RBFOX1: variants seen among roughly 807,000 people sequenced by gnomAD.
RBFOX1 encodes the protein RNA binding protein fox-1 homolog 1.
A neutral mutation model predicts 57.7 loss-of-function variants in RBFOX1; 8 were observed. That is an observed-to-expected ratio of 0.14 (90% CI 0.08 to 0.25). The LOEUF is 0.25. RBFOX1 is among the 10% of genes least tolerant of loss of function. The pLI, the probability that RBFOX1 is intolerant of heterozygous loss-of-function variation, is 1.00. For synonymous variants in RBFOX1, 326 were observed against 222.4 expected (o/e 1.47, Z -4.15); for missense variants, 611 against 548.5 (o/e 1.11, Z -1.14).
intron 3 of RBFOX1, among the ~76,000 whole-genome samples, chr16:6,788,623 C>T (rs375994561): frequency 4.6e-4 from 70 of 152,018 alleles, no homozygotes; most frequent in African/African-American, 1.5e-3. Context: ...CTACAGGTGC[C>T]TACGACCATG....
chr16:6,860,482 T>C (rs1284136752), intron 3 of RBFOX1, among the ~76,000 whole-genome samples: 2 of 152,214 alleles, frequency 1.3e-5, no homozygotes, highest in African/African-American at 4.8e-5. Context: ...AGTATATTGA[T>C]GCACCTGCTT....
chr16:7,017,930 A>C (rs2153666524), intron 3 of RBFOX1, among the ~76,000 whole-genome samples: 2 of 152,328 alleles, frequency 1.3e-5, no homozygotes, highest in East Asian at 1.9e-4. Flanking sequence ...CTATATTTGC[A>C]AACTGTCGGC....
chr16:5,647,705 A>T (rs2049098543), intron 3 of RBFOX1, among the ~76,000 whole-genome samples: 1 of 152,196 alleles, frequency 6.6e-6, no homozygotes, highest in Admixed American at 6.5e-5. Flanking sequence ...TAACAATAAG[A>T]ACCTGCAACG....
intron 2 of RBFOX1, among the ~76,000 whole-genome samples, chr16:6,502,871 C>T (rs2095978349): frequency 1.3e-5 from 2 of 152,068 alleles, no homozygotes; most frequent in South Asian, 4.1e-4. Flanking sequence ...GGGGTTATGT[C>T]CGTTTTATAG....
At chr16:5,781,347 C>G (rs2054317549) in intron 3 of RBFOX1, among the ~76,000 whole-genome samples, 1 of 152,146 alleles carries the variant, frequency 6.6e-6, no homozygotes, top group African/African-American at 2.4e-5. Context: ...GAACCTATTT[C>G]TAGAGTGAGC....
At chr16:6,912,771 C>G (rs979757588) in intron 3 of RBFOX1, among the ~76,000 whole-genome samples, 2 of 151,798 alleles carry the variant, frequency 1.3e-5, no homozygotes, top group African/African-American at 4.9e-5. Context: ...GCACATGCCA[C>G]CACACGTGCC....
At chr16:6,088,254 G>C (rs2096118631) in intron 1 of RBFOX1, among the ~76,000 whole-genome samples, 1 of 151,606 alleles carries the variant, frequency 6.6e-6, no homozygotes, top group Non-Finnish European at 1.5e-5. Flanking sequence ...TTTTCCTCAG[G>C]AATGTTTCTG....
chr16:6,316,279 G>A (rs183924741), intron 1 of RBFOX1, among the ~76,000 whole-genome samples: 1 of 152,180 alleles, frequency 6.6e-6, no homozygotes, highest in Non-Finnish European at 1.5e-5. Context: ...TGAACTATAG[G>A]AGATTATAAT....
At chr16:6,891,195 C>A (rs985578464) in intron 3 of RBFOX1, among the ~76,000 whole-genome samples, 2 of 152,174 alleles carry the variant, frequency 1.3e-5, no homozygotes, top group African/African-American at 4.8e-5. Flanking sequence ...TCAGTAGTGG[C>A]TACAATAATA....
At chr16:6,666,959 T>G (rs529412969) in intron 3 of RBFOX1, among the ~76,000 whole-genome samples, 1 of 152,294 alleles carries the variant, frequency 6.6e-6, no homozygotes, top group African/African-American at 2.4e-5. Context: ...GACAGTTATT[T>G]TTGTAGGCAA....
chr16:5,334,341 G>C (rs2064842863), intron 1 of RBFOX1, among the ~76,000 whole-genome samples: 2 of 152,168 alleles, frequency 1.3e-5, no homozygotes, highest in Non-Finnish European at 2.9e-5. Flanking sequence ...GATGCCCTTT[G>C]GGTTGGATTT....
At chr16:6,807,896 TTGTGTG>T (rs35350222) in intron 3 of RBFOX1, among the ~76,000 whole-genome samples, 1,506 of 148,392 alleles carry the variant, frequency 0.01, 10 homozygotes, top group Middle Eastern at 0.029. Flanking sequence ...ATATATATTA[TTGTGTG>T]TGTGTGTGTG....
rs552541536 is a variant in RBFOX1, at chr16:5,899,734, C to T, written c.351+32399C>T. Among the ~76,000 whole-genome samples, 28 of 152,264 alleles carry T rather than the reference C, an allele frequency of 1.8e-4. No individual in the cohort carries two copies. The South Asian group carries it at 3.3e-3, about 18-fold the overall frequency. On this transcript the variant is annotated intron_variant, in intron 4 of 19. Transcript: ENST00000641259. ...CATGGAAGATTCCAACCCGCCTGGT[C>T]CATCCACAGATTCACCTGAATGGGC...
intron 3 of RBFOX1, among the ~76,000 whole-genome samples, chr16:6,966,488 T>C (rs1165636586): frequency 2.0e-5 from 3 of 152,044 alleles, no homozygotes; most frequent in Non-Finnish European, 4.4e-5. Context: ...ATGATCACAG[T>C]AGCTTATTAG....
chr16:6,399,133 C>T (rs2092961957), intron 2 of RBFOX1, among the ~76,000 whole-genome samples: 1 of 152,210 alleles, frequency 6.6e-6, no homozygotes, highest in African/African-American at 2.4e-5. Context: ...TGTACCTTGG[C>T]CTCTTTTAAC....
At chr16:7,618,022 C>T (rs893662334) in intron 10 of RBFOX1, among the ~76,000 whole-genome samples, 5 of 151,652 alleles carry the variant, frequency 3.3e-5, no homozygotes, top group Admixed American at 2.0e-4. Flanking sequence ...AAAAAATACA[C>T]ATGCTTGATC....
At chr16:6,072,619 T>A (rs55681936) in intron 1 of RBFOX1, among the ~76,000 whole-genome samples, 18,240 of 150,278 alleles carry the variant, frequency 0.12, 1,486 homozygotes, top group East Asian at 0.35. Flanking sequence ...CAACAATTGT[T>A]TTTTTTTTTT....
chr16:6,545,318 C>G (rs758695340), intron 2 of RBFOX1, among the ~76,000 whole-genome samples: 1 of 152,132 alleles, frequency 6.6e-6, no homozygotes, highest in Non-Finnish European at 1.5e-5. Context: ...AATAAAAACC[C>G]AAACGTAAAA....
chr16:6,516,854 C>T (rs1424879242), intron 2 of RBFOX1, among the ~76,000 whole-genome samples: 1 of 152,100 alleles, frequency 6.6e-6, no homozygotes, highest in Non-Finnish European at 1.5e-5. Flanking sequence ...GATGGGCATA[C>T]AGTGGGGTAT....
Sources: allele counts gnomAD v4.1 joint callset (sites outside exome capture counted in the v4.1 genomes callset), GRCh38; gene constraint gnomAD v4.1.1; transcripts MANE v1.5; gene names NCBI Gene and HGNC (gene_info 2026-07-23, HGNC 2026-07-21).